Variants in CNTNAP2 observed in about 807,000 individuals in gnomAD.
CNTNAP2 encodes the protein contactin associated protein 2.
In CNTNAP2, 98 loss-of-function variants were observed where a neutral mutation model predicts 155.2. That is an observed-to-expected ratio of 0.63 (90% CI 0.54 to 0.75). CNTNAP2 has a LOEUF of 0.75. CNTNAP2 is among the 30% of genes least tolerant of loss of function. CNTNAP2 has a pLI of 0.00. For missense variants in CNTNAP2, 1,727 were observed against 1,688.1 expected (o/e 1.02, Z -0.40); for synonymous variants, 651 against 631.2 (o/e 1.03, Z -0.47).
intron 18 of CNTNAP2, among the ~76,000 whole-genome samples, chr7:148,205,743 G>A (rs1795438218): frequency 6.6e-6 from 1 of 152,188 alleles, no homozygotes; most frequent in African/African-American, 2.4e-5. Flanking sequence ...CCAACTAGTT[G>A]AAGAATATAC....
chr7:147,766,466 A>T (rs958724732), intron 13 of CNTNAP2, among the ~76,000 whole-genome samples: 1 of 152,134 alleles, frequency 6.6e-6, no homozygotes, highest in African/African-American at 2.4e-5. Context: ...ATATGTTAAC[A>T]AGATGTGTCC....
chr7:146,162,458 T>C (rs912482037), intron 1 of CNTNAP2, among the ~76,000 whole-genome samples: 4 of 152,162 alleles, frequency 2.6e-5, no homozygotes, highest in Admixed American at 1.3e-4. Flanking sequence ...CACAATGAGA[T>C]ACCATCTCAC....
chr7:148,246,764 G>T (rs1315529133), intron 20 of CNTNAP2, among the ~76,000 whole-genome samples: 2 of 152,198 alleles, frequency 1.3e-5, no homozygotes, highest in African/African-American at 4.8e-5. Flanking sequence ...AAAGCCATTA[G>T]CTCCCTGAGT....
chr7:146,379,014 C>T (rs369238919), intron 1 of CNTNAP2, among the ~76,000 whole-genome samples: 43 of 152,358 alleles, frequency 2.8e-4, no homozygotes, highest in African/African-American at 8.7e-4. Flanking sequence ...CCCTGCTCTT[C>T]GCAGAGATTG....
intron 3 of CNTNAP2, among the ~76,000 whole-genome samples, chr7:146,954,146 T>C (rs1191619041): frequency 6.6e-6 from 1 of 152,014 alleles, no homozygotes; most frequent in Non-Finnish European, 1.5e-5. Flanking sequence ...CTTGCATTTA[T>C]ATGCCTTTGC....
chr7:147,573,670 T>A, intron 12 of CNTNAP2, among the ~76,000 whole-genome samples: 1 of 152,198 alleles, frequency 6.6e-6, no homozygotes, highest in Non-Finnish European at 1.5e-5. Context: ...TAAAATAATA[T>A]TGAGCATCTT....
chr7:147,579,969 T>A (rs1442107947), intron 12 of CNTNAP2, among the ~76,000 whole-genome samples: 1 of 152,168 alleles, frequency 6.6e-6, no homozygotes, highest in East Asian at 1.9e-4. Flanking sequence ...TCACAAATTG[T>A]CAAAATTGAA....
chr7:147,736,518 A>T (rs1796847750), intron 13 of CNTNAP2, among the ~76,000 whole-genome samples: 1 of 152,084 alleles, frequency 6.6e-6, no homozygotes, highest in Non-Finnish European at 1.5e-5. Context: ...GCTCTTCTTG[A>T]GGAGTATCTT....
intron 1 of CNTNAP2, among the ~76,000 whole-genome samples, chr7:146,443,757 G>T (rs996739786): frequency 6.6e-6 from 1 of 152,154 alleles, no homozygotes; most frequent in Non-Finnish European, 1.5e-5. Flanking sequence ...AAAAGACAGA[G>T]CTGCTATCCT....
chr7:148,175,522 A>G (rs1026152778), intron 18 of CNTNAP2, among the ~76,000 whole-genome samples: 4 of 152,140 alleles, frequency 2.6e-5, no homozygotes, highest in Non-Finnish European at 1.5e-5. Flanking sequence ...TTAAATCTCA[A>G]TACATTTAGC....
chr7:146,197,575 C>T (rs1344640299), intron 1 of CNTNAP2, among the ~76,000 whole-genome samples: 1 of 152,094 alleles, frequency 6.6e-6, no homozygotes, highest in Admixed American at 6.5e-5. Flanking sequence ...TACAGGATCA[C>T]TAATTTGTTT....
chr7:147,959,879 A>C (rs1801086091), intron 14 of CNTNAP2, among the ~76,000 whole-genome samples: 1 of 152,124 alleles, frequency 6.6e-6, no homozygotes, highest in Non-Finnish European at 1.5e-5. Flanking sequence ...CTTCAAGTGA[A>C]GAAAGTCACT....
At chr7:146,947,295 C>G (rs1050859337) in intron 3 of CNTNAP2, among the ~76,000 whole-genome samples, 1 of 150,728 alleles carries the variant, frequency 6.6e-6, no homozygotes, top group Non-Finnish European at 1.5e-5. Flanking sequence ...TCCAGCTTCT[C>G]AAATTGTCAT....
At chr7:147,747,428 A>C (rs748685690) in intron 13 of CNTNAP2, among the ~76,000 whole-genome samples, 1 of 152,124 alleles carries the variant, frequency 6.6e-6, no homozygotes, top group Admixed American at 6.5e-5. Context: ...TTGTATTTCT[A>C]TTCTTTTTTT....
chr7:146,351,613 T>A (rs886118169), intron 1 of CNTNAP2, among the ~76,000 whole-genome samples: 3 of 152,184 alleles, frequency 2.0e-5, no homozygotes, highest in Non-Finnish European at 4.4e-5. Context: ...TTCTTCTTAA[T>A]TTTTTTACTT....
chr7:146,283,218 T>C (rs774568960), intron 1 of CNTNAP2, among the ~76,000 whole-genome samples: 13 of 152,208 alleles, frequency 8.5e-5, no homozygotes, highest in Non-Finnish European at 1.9e-4. Flanking sequence ...TTGTGAAAAC[T>C]TAAAAACATC....
chr7:146,658,872 G>C (rs1374450193), intron 1 of CNTNAP2, among the ~76,000 whole-genome samples: 1 of 152,140 alleles, frequency 6.6e-6, no homozygotes, highest in Non-Finnish European at 1.5e-5. Flanking sequence ...TGTGATCTAG[G>C]GAAAAGGGGA....
intron 13 of CNTNAP2, among the ~76,000 whole-genome samples, chr7:147,711,479 A>T (rs918852411): frequency 6.6e-6 from 1 of 152,216 alleles, no homozygotes; most frequent in Non-Finnish European, 1.5e-5. Flanking sequence ...TGCAAGGGTC[A>T]AAATGTATTT....
chr7:147,039,096 T>A (rs972869916), intron 3 of CNTNAP2, among the ~76,000 whole-genome samples: 6 of 152,182 alleles, frequency 3.9e-5, no homozygotes, highest in African/African-American at 1.4e-4. Context: ...TGTAATTGTA[T>A]AATTATAGGA....
Sources: gnomAD v4.1 joint callset for allele counts (sites outside exome capture counted in the v4.1 genomes callset) on GRCh38, gnomAD v4.1.1 for gene constraint, MANE v1.5 for transcripts, NCBI Gene and HGNC (gene_info 2026-07-23, HGNC 2026-07-21) for gene names.